Variants in TIAM1 observed in about 807,000 individuals in gnomAD.
The protein encoded by TIAM1 is TIAM Rac1 associated GEF 1, also known as rho guanine nucleotide exchange factor TIAM1.
TIAM1 carries 65 observed loss-of-function variants against 163.5 expected under a neutral mutation model. The observed-to-expected ratio is 0.40, with a 90% CI of 0.33 to 0.49. The LOEUF is 0.49. Ranked by LOEUF, TIAM1 falls within the 20% of genes least tolerant of loss-of-function variation. The pLI is 0.77. For synonymous variants in TIAM1, 833 were observed against 810.1 expected (o/e 1.03, Z -0.48); for missense variants, 1,789 against 2,044.7 (o/e 0.87, Z 2.41).
At chr21:31,451,773 G>A (rs1488004735) in intron 2 of TIAM1, among the ~76,000 whole-genome samples, 9 of 147,020 alleles carry the variant, frequency 6.1e-5, no homozygotes, top group Admixed American at 1.4e-4. Context: ...GACACAGAGA[G>A]AGAGAGAGAG....
intron 11 of TIAM1, among the ~76,000 whole-genome samples, chr21:31,206,203 T>C (rs1458550188): frequency 1.3e-5 from 2 of 152,232 alleles, no homozygotes; most frequent in East Asian, 3.8e-4. Context: ...CAGTGTGTCT[T>C]ACTATTTTGG....
intron 2 of TIAM1, among the ~76,000 whole-genome samples, chr21:31,401,948 C>T (rs945549806): frequency 1.3e-5 from 2 of 151,322 alleles, no homozygotes; most frequent in Admixed American, 6.6e-5. Flanking sequence ...GGCATGGTGG[C>T]TCACACCTGT....
intron 15 of TIAM1, among the ~76,000 whole-genome samples, chr21:31,180,187 T>C (rs1424894124): frequency 6.6e-6 from 1 of 152,136 alleles, no homozygotes; most frequent in Non-Finnish European, 1.5e-5. Context: ...ATTACAGGTG[T>C]GAGCCACTGC....
intron 2 of TIAM1, among the ~76,000 whole-genome samples, chr21:31,306,248 C>T (rs964197484): frequency 6.6e-6 from 1 of 151,834 alleles, no homozygotes; most frequent in Non-Finnish European, 1.5e-5. Context: ...TGCACCACTG[C>T]ACTCTGGCTT....
intron 1 of TIAM1, among the ~76,000 whole-genome samples, chr21:31,492,798 C>CACAT (rs1172365039): frequency 6.6e-6 from 1 of 151,006 alleles, no homozygotes; most frequent in Non-Finnish European, 1.5e-5. Context: ...CACACACACA[C>CACAT]ACACACACAC....
rs1294794160 is a variant in TIAM1, at chr21:31,217,553, C to G, written c.2142G>C (p.Gln714His). 1.2e-6 allele frequency: 2 copies of G among 1,613,646 alleles called. No individual in the cohort carries two copies. The highest frequency in any genetic ancestry group is 1.7e-6 in the Non-Finnish European group (2 of 1,179,766). Residue 714 changes from glutamine (Q) to histidine (H), a missense_variant and splice_region_variant, in exon 9 of 28, where the codon CAG (glutamine) becomes CAC (histidine). By Grantham distance (24) the Gln-to-His change is conservative (BLOSUM62 0). Around this residue, in one of 5 missense-constraint regions of TIAM1, gnomAD observed 456 missense variants for 586.6 expected, o/e 0.78. Coordinates refer to ENST00000541036, the MANE Select transcript of TIAM1 (RefSeq NM_001353694.2). ...KKKQGRPSIN[Q>H]VFGEGTEAVK... Reference sequence around the variant, plus strand: ...ACTTTTCATCTGCTCTGGAACCTACCTGATTGATGCTTGGCCGTCCCTGCT... The same window carrying G: ...ACTTTTCATCTGCTCTGGAACCTACGTGATTGATGCTTGGCCGTCCCTGCT...
At chr21:31,436,512 A>G (rs845682) in intron 2 of TIAM1, among the ~76,000 whole-genome samples, 56,544 of 151,804 alleles carry the variant, frequency 0.37, 11,139 homozygotes, top group East Asian at 0.47. Context: ...CTGTAATCCC[A>G]GCTACTCAGG....
At chr21:31,499,086 G>A (rs2046764393) in intron 1 of TIAM1, among the ~76,000 whole-genome samples, 3 of 152,142 alleles carry the variant, frequency 2.0e-5, no homozygotes, top group Admixed American at 2.0e-4. Flanking sequence ...TATTTATTTG[G>A]CAAAGATACC....
chr21:31,423,138 A>G (rs1333230604), intron 2 of TIAM1, among the ~76,000 whole-genome samples: 1 of 114,758 alleles, frequency 8.7e-6, no homozygotes, highest in East Asian at 2.7e-4. Flanking sequence ...TGGCTCTGTC[A>G]CCCAGGCTGG....
chr21:31,140,028 C>CT (rs1484479217), intron 22 of TIAM1, among the ~76,000 whole-genome samples: 4 of 152,164 alleles, frequency 2.6e-5, no homozygotes, highest in Admixed American at 2.0e-4. Context: ...TCCAATGAAC[C>CT]TTTACAACAC....
intron 2 of TIAM1, among the ~76,000 whole-genome samples, chr21:31,433,564 T>C (rs976396433): frequency 3.3e-5 from 5 of 152,194 alleles, no homozygotes; most frequent in Non-Finnish European, 7.3e-5. Flanking sequence ...TCATTCCTTT[T>C]AGAACAATTT....
chr21:31,299,115 T>C (rs190999591), intron 2 of TIAM1, among the ~76,000 whole-genome samples: 5 of 152,338 alleles, frequency 3.3e-5, no homozygotes, highest in Admixed American at 3.3e-4. Flanking sequence ...ATGGGTTTCT[T>C]GTCTTGTTTT....
chr21:31,135,676 C>T (rs1330312706), intron 23 of TIAM1, among the ~76,000 whole-genome samples: 2 of 152,146 alleles, frequency 1.3e-5, no homozygotes, highest in Non-Finnish European at 2.9e-5. Context: ...CTTTTCCTGC[C>T]TCTGTGTTTA....
intron 2 of TIAM1, among the ~76,000 whole-genome samples, chr21:31,429,761 C>T (rs1017747836): frequency 3.9e-5 from 6 of 152,166 alleles, no homozygotes; most frequent in South Asian, 2.1e-4. Flanking sequence ...TTCTGTGCAC[C>T]GCTCCCAGTC....
intron 2 of TIAM1, among the ~76,000 whole-genome samples, chr21:31,325,355 T>C (rs952163361): frequency 2.0e-5 from 3 of 151,438 alleles, no homozygotes; most frequent in Non-Finnish European, 4.4e-5. Context: ...TACATTCTCA[T>C]AGAGTATGTT....
chr21:31,493,067 T>C lies in TIAM1; in HGVS notation c.-421-29032A>G, dbSNP rs548197349. The stretch of plus-strand genomic sequence containing the variant: ...TCCAGTGCTTGGAACTGTCTGTTCA[T>C]CAAAACCACTCACTGACCTTCTTAC... On this transcript the variant is annotated intron_variant, in intron 1 of 28. Coordinates refer to the TIAM1 transcript ENST00000286827. Among the ~76,000 whole-genome samples, 3 of 152,252 alleles carry C rather than the reference T, an allele frequency of 2.0e-5. No individual in the cohort carries two copies. In the East Asian group the frequency reaches 5.8e-4, roughly 29 times the overall value.
At chr21:31,138,622 G>T (rs1452282060) in intron 22 of TIAM1, among the ~76,000 whole-genome samples, 1 of 152,202 alleles carries the variant, frequency 6.6e-6, no homozygotes, top group Non-Finnish European at 1.5e-5. Context: ...GCTGAGAGCA[G>T]TGGAACAGAA....
chr21:31,409,877 G>C (rs975403482), intron 2 of TIAM1, among the ~76,000 whole-genome samples: 1 of 152,090 alleles, frequency 6.6e-6, no homozygotes, highest in Non-Finnish European at 1.5e-5. Flanking sequence ...AAGGGTTAAG[G>C]AGGCCTTTTT....
At chr21:31,402,190 C>T (rs549098544) in intron 2 of TIAM1, among the ~76,000 whole-genome samples, 11 of 151,728 alleles carry the variant, frequency 7.2e-5, no homozygotes, top group Non-Finnish European at 1.3e-4. Flanking sequence ...TGCAGCCTGG[C>T]GACAGAGTGA....
Sources: allele counts gnomAD v4.1 joint callset (sites outside exome capture counted in the v4.1 genomes callset), GRCh38; gene constraint gnomAD v4.1.1; regional missense constraint gnomAD v4.1.1; transcripts MANE v1.5; gene names NCBI Gene and HGNC (gene_info 2026-07-23, HGNC 2026-07-21).